The following KCNAB1 variants were observed in gnomAD, a reference collection of about 807,000 sequenced individuals.
KCNAB1 encodes potassium voltage-gated channel subfamily A regulatory beta subunit 1.
In KCNAB1, 35 loss-of-function variants were observed where a neutral mutation model predicts 64.6. The ratio of observed to expected loss-of-function variants is 0.54; its 90% CI spans 0.41 to 0.72. The LOEUF (loss-of-function observed/expected upper bound fraction) is 0.72, where lower values mean the gene tolerates loss of function less well. Among genes scored for constraint, KCNAB1 ranks in the 30% least tolerant of loss-of-function variants. The probability of loss-of-function intolerance (pLI) is 0.00; values close to 1 mark genes in which losing one functional copy is unlikely to be tolerated. For missense variants in KCNAB1, 401 were observed against 512.9 expected, an observed-to-expected ratio of 0.78 and a Z score of 2.11; for synonymous variants, 177 against 183.8, an observed-to-expected ratio of 0.96 and a Z score of 0.30.
At chr3:156,378,388 G>T (rs548869970) in intron 1 of KCNAB1, among the ~76,000 whole-genome samples, 2 of 152,178 alleles carry the variant, frequency 1.3e-5, no homozygotes, top group East Asian at 3.9e-4. Flanking sequence ...CCTGAAATTT[G>T]GAGGAAACCT....
At chr3:156,299,815 A>G (rs1176611541) in intron 1 of KCNAB1, among the ~76,000 whole-genome samples, 8 of 152,088 alleles carry the variant, frequency 5.3e-5, no homozygotes, top group Middle Eastern at 3.2e-3. Flanking sequence ...TGTTTTTCCA[A>G]TTTGCACTGT....
intron 1 of KCNAB1, among the ~76,000 whole-genome samples, chr3:156,417,619 CT>C (rs1267730818): frequency 1.3e-5 from 2 of 152,014 alleles, no homozygotes; most frequent in African/African-American, 4.8e-5. Flanking sequence ...CTTTTAGCCT[CT>C]TTGACTTGTA....
intron 9 of KCNAB1, 144 bp from the exon 10 acceptor site, chr3:156,514,956 A>G (rs1717456926): frequency 4.3e-6 from 3 of 694,994 alleles, no homozygotes. Context: ...ATCGGTGGTG[A>G]CAAATTTGCT....
chr3:156,404,984 A>T (rs1217185753), intron 1 of KCNAB1, among the ~76,000 whole-genome samples: 1 of 152,256 alleles, frequency 6.6e-6, no homozygotes, highest in East Asian at 1.9e-4. Flanking sequence ...GAGCTCAGTT[A>T]TAAACTTTAG....
At chr3:156,370,812 A>C (rs1726252561) in intron 1 of KCNAB1, among the ~76,000 whole-genome samples, 1 of 152,216 alleles carries the variant, frequency 6.6e-6, no homozygotes, top group African/African-American at 2.4e-5. Flanking sequence ...GGGCTCACAT[A>C]CAGGGGAGAG....
intron 1 of KCNAB1, among the ~76,000 whole-genome samples, chr3:156,386,830 A>G (rs955871882): frequency 3.3e-5 from 5 of 152,152 alleles, no homozygotes; most frequent in Non-Finnish European, 7.3e-5. Context: ...GACCACCAAC[A>G]GTCTTGGAGC....
intron 1 of KCNAB1, among the ~76,000 whole-genome samples, chr3:156,281,174 AG>A (rs1328955511): frequency 2.0e-5 from 3 of 146,526 alleles, no homozygotes; most frequent in East Asian, 2.0e-4. Flanking sequence ...TTTAGCATGA[AG>A]GGTTGTTGAA....
intron 1 of KCNAB1, among the ~76,000 whole-genome samples, chr3:156,328,000 A>C (rs1267725115): frequency 6.6e-6 from 1 of 151,974 alleles, no homozygotes; most frequent in South Asian, 2.1e-4. Flanking sequence ...GACTCCATGG[A>C]ATTATGCTCC....
chr3:156,484,628 A>G (rs1290009353), intron 8 of KCNAB1, among the ~76,000 whole-genome samples: 1 of 151,942 alleles, frequency 6.6e-6, no homozygotes, highest in East Asian at 1.9e-4. Context: ...TGACATGCAG[A>G]GGACTTGGAG....
At chr3:156,153,806 A>T (rs1020684098) in intron 1 of KCNAB1, among the ~76,000 whole-genome samples, 9 of 152,144 alleles carry the variant, frequency 5.9e-5, no homozygotes, top group African/African-American at 9.7e-5. Flanking sequence ...ACCCACCTGA[A>T]TCTCAGGCCT....
Position 156,452,922 on chromosome 3 carries a change from C to T in KCNAB1, c.343C>T (p.Gln115Ter). 6.2e-7 allele frequency: 1 copy of T among 1,603,442 alleles called. No individual in the cohort carries two copies. The highest frequency in any genetic ancestry group is 8.5e-7 in the Non-Finnish European group (1 of 1,172,360). Reference protein sequence around the residue: ...GLGTWVTFGGQISDEVAERLM... With the variant: ...GLGTWVTFGG The stretch of plus-strand genomic sequence containing the variant: ...AGGAACATGGGTGACATTTGGAGGT[C>T]AAATTTCAGATGAGGTAAGTTACCT... Residue 115 changes from glutamine (Q) to a stop codon, truncating the protein, a stop_gained, in exon 3 of 14, where the codon CAA becomes TAA. Transcript: ENST00000490337. LOFTEE classifies it high-confidence loss of function. The surrounding 1 kb of genome is among the most constrained non-coding windows in gnomAD (Gnocchi z 4.6).
chr3:156,464,659 CACAT>C (rs1327283433), intron 6 of KCNAB1, among the ~76,000 whole-genome samples: 6 of 151,994 alleles, frequency 3.9e-5, no homozygotes, highest in Non-Finnish European at 7.4e-5. Context: ...CACTTGCAAA[CACAT>C]ACTCTATTTT....
intron 1 of KCNAB1, among the ~76,000 whole-genome samples, chr3:156,221,779 C>CA (rs908577890): frequency 4.8e-5 from 7 of 147,070 alleles, no homozygotes; most frequent in African/African-American, 1.7e-4. Flanking sequence ...ACTCCATCCC[C>CA]CCCCGCCAAA....
intron 1 of KCNAB1, among the ~76,000 whole-genome samples, chr3:156,410,843 G>A (rs147105439): frequency 5.3e-5 from 8 of 152,234 alleles, no homozygotes; most frequent in African/African-American, 1.9e-4. Context: ...CCATTCATCC[G>A]TTGGCAGATA....
In KCNAB1 at chr3:156,120,640, G is replaced by T. The variant is rs1207173561; in HGVS notation, c.29G>T (p.Gly10Val). The change falls in exon 1 of 14, where the codon GGG becomes GTG. Residue 10 changes from glycine to valine, a missense_variant. Gly to Val is a moderately radical substitution (Grantham distance 109). Transcript: ENST00000490337. ...CTGGCAGCCCGGACAGGGGCAGCGGGGAGTCAGATCTCAGAGGAGAACACC... is the reference window on the plus strand; with the variant it reads ...CTGGCAGCCCGGACAGGGGCAGCGGTGAGTCAGATCTCAGAGGAGAACACC... MLAARTGAA[G>V]SQISEENTKL... The T allele has an allele frequency of 8.7e-6, 14 of 1,614,232 alleles. No homozygotes were observed. Among genetic ancestry groups the T allele is most frequent in the Non-Finnish European group, 1.2e-5 (14 of 1,180,038 alleles).
intron 8 of KCNAB1, among the ~76,000 whole-genome samples, chr3:156,496,455 C>G (rs1038902322): frequency 1.3e-5 from 2 of 152,248 alleles, no homozygotes; most frequent in East Asian, 1.9e-4. Flanking sequence ...GTAAGACGTG[C>G]CTTCGCTCCT....
At position 156,535,412 on chromosome 3, in the gene KCNAB1, C is replaced by T. The variant is rs377413416; in HGVS notation, c.1171-1246C>T. On this transcript the variant is annotated intron_variant, in intron 13 of 13. Coordinates refer to ENST00000490337, the MANE Select transcript of KCNAB1 (RefSeq NM_172160.3). ...TATGGTGTAATGTGTACCCTTGGCC[C>T]ACTTCTCACAGTAAATGCTAGCCTT... is the stretch of plus-strand genomic sequence containing the variant. Among the ~76,000 whole-genome samples, 20 of 152,216 alleles carry T rather than the reference C, an allele frequency of 1.3e-4. No individual in the cohort carries two copies. In the East Asian group the frequency reaches 3.9e-3, roughly 29 times the overall value.
intron 1 of KCNAB1, among the ~76,000 whole-genome samples, chr3:156,244,953 C>T (rs533654541): frequency 6.6e-6 from 1 of 152,224 alleles, no homozygotes; most frequent in Non-Finnish European, 1.5e-5. Context: ...ATCGCTCCAA[C>T]CTCTGGCCAC....
At chr3:156,302,239 C>A (rs1350641587) in intron 1 of KCNAB1, among the ~76,000 whole-genome samples, 4 of 152,140 alleles carry the variant, frequency 2.6e-5, no homozygotes, top group Non-Finnish European at 5.9e-5. Flanking sequence ...ACATCGAGCC[C>A]ACCTAGGTAA....
Sources: gnomAD v4.1 joint callset for allele counts (sites outside exome capture counted in the v4.1 genomes callset) on GRCh38, gnomAD v4.1.1 for gene constraint, Gnocchi (gnomAD v3.1) non-coding constraint, MANE v1.5 for transcripts, NCBI Gene and HGNC (gene_info 2026-07-23, HGNC 2026-07-21) for gene names.